TRHDE: variants seen among roughly 807,000 people sequenced by gnomAD.
TRHDE encodes the protein thyrotropin releasing hormone degrading enzyme, also known as thyrotropin-releasing hormone-degrading ectoenzyme.
A neutral mutation model predicts 125.7 loss-of-function variants in TRHDE; 72 were observed. The ratio of observed to expected loss-of-function variants is 0.57; its 90% CI spans 0.47 to 0.70. The LOEUF is 0.70. TRHDE is among the 30% of genes least tolerant of loss of function. The pLI is 0.00. For missense variants in TRHDE, 1,110 were observed against 1,327.1 expected, an observed-to-expected ratio of 0.84 and a Z score of 2.54; for synonymous variants, 509 against 509.1, an observed-to-expected ratio of 1.00 and a Z score of 0.00.
At chr12:72,165,250 A>G (rs933382707) in intron 2 of TRHDE, among the ~76,000 whole-genome samples, 2 of 152,198 alleles carry the variant, frequency 1.3e-5, no homozygotes, top group Non-Finnish European at 1.5e-5. Flanking sequence ...TCATTCTAGT[A>G]TACCATCAAA....
chr12:72,389,900 A>C (rs1872559976), intron 3 of TRHDE, among the ~76,000 whole-genome samples: 1 of 152,192 alleles, frequency 6.6e-6, no homozygotes. Flanking sequence ...TACTGCATTA[A>C]TCTAAGAAAT....
chr12:72,557,959 TCA>T (rs111497878), intron 7 of TRHDE, among the ~76,000 whole-genome samples: 14,229 of 148,594 alleles, frequency 0.096, 2,240 homozygotes, highest in African/African-American at 0.33. Context: ...GAAAGACAAA[TCA>T]CACACACACA....
chr12:72,391,716 C>T (rs937710826), intron 3 of TRHDE, among the ~76,000 whole-genome samples: 2 of 151,858 alleles, frequency 1.3e-5, no homozygotes, highest in East Asian at 1.9e-4. Context: ...TGAGATATAC[C>T]GTGTCAATTT....
At chr12:72,259,031 A>C (rs1441515310) in intron 2 of TRHDE, among the ~76,000 whole-genome samples, 2 of 152,174 alleles carry the variant, frequency 1.3e-5, no homozygotes, top group East Asian at 1.9e-4. Flanking sequence ...CTTTGTAATT[A>C]AACATTTTGT....
At chr12:72,623,258 TTG>T (rs1310468575) in intron 15 of TRHDE, among the ~76,000 whole-genome samples, 1 of 152,034 alleles carries the variant, frequency 6.6e-6, no homozygotes, top group Non-Finnish European at 1.5e-5. Flanking sequence ...CCTTTTGTTT[TTG>T]TGTGTTTTGT....
intron 3 of TRHDE, among the ~76,000 whole-genome samples, chr12:72,443,267 C>G (rs1875112130): frequency 1.3e-5 from 2 of 148,650 alleles, no homozygotes; most frequent in South Asian, 4.3e-4. Flanking sequence ...TGCCTTGTAT[C>G]CTCATTCTTT....
intron 14 of TRHDE, 179 bp downstream of exon 14, chr12:72,621,384 C>G: frequency 3.4e-6 from 2 of 591,114 alleles, no homozygotes; most frequent in African/African-American, 1.9e-5. Flanking sequence ...ATCCTGAGAA[C>G]AAAGACGTTT....
Position 72,286,782 on chromosome 12 carries a change from A to G in TRHDE, c.1016A>G (p.His339Arg). 1 of 1,613,932 alleles carries G rather than the reference A, an allele frequency of 6.2e-7. No homozygotes were observed. The highest frequency in any genetic ancestry group is 8.5e-7 in the Non-Finnish European group (1 of 1,179,992). ...GCTACTTTCAAAATCAGCATCAAGC[A>G]TCAAGCAACCTATTTATCTTTATCT... ...YKATFKISIK[H>R]QATYLSLSNM... is the part of the protein sequence containing the mutation. Residue 339 changes from histidine (H) to arginine (R), a missense_variant, in exon 2 of 19, where the codon CAT becomes CGT. Transcript: ENST00000261180.
At chr12:72,532,896 G>A (rs548542152) in intron 6 of TRHDE, among the ~76,000 whole-genome samples, 1 of 151,390 alleles carries the variant, frequency 6.6e-6, no homozygotes, top group Admixed American at 6.6e-5. Flanking sequence ...TTGCATACAT[G>A]ATCATATGAA....
intron 2 of TRHDE, among the ~76,000 whole-genome samples, chr12:72,335,841 TA>T (rs1234501064): frequency 6.6e-6 from 1 of 152,160 alleles, no homozygotes; most frequent in East Asian, 1.9e-4. Context: ...AGAGCTGCCT[TA>T]AAAAACCCAG....
At chr12:72,107,102 T>C (rs1311146413) in intron 2 of TRHDE, among the ~76,000 whole-genome samples, 2 of 152,182 alleles carry the variant, frequency 1.3e-5, no homozygotes, top group East Asian at 3.9e-4. Flanking sequence ...TGAATAGTAA[T>C]GACATGTCTA....
rs1677988306 is a variant in TRHDE, at chr12:72,376,486, C to T, written c.1189-1509C>T. ...GTCTCTCCTGATAGTTTTTGGTTTT[C>T]TAATACTGCCAGCCCAAAATGTTGG... On this transcript the variant is annotated intron_variant, in intron 2 of 18. Transcript: ENST00000261180. Among the ~76,000 whole-genome samples, 2 of 152,116 alleles carry T rather than the reference C, an allele frequency of 1.3e-5. 1 individual carries two copies. Among genetic ancestry groups the T allele is most frequent in the Admixed American group, 1.3e-4 (2 of 15,274 alleles).
At chr12:72,303,249 T>C (rs564304790) in intron 2 of TRHDE, 1 of 152,140 alleles carries the variant, frequency 6.6e-6, no homozygotes, top group Non-Finnish European at 1.5e-5. Context: ...GGGTAAGATA[T>C]AAACATTCCC....
intron 2 of TRHDE, among the ~76,000 whole-genome samples, chr12:72,224,587 A>G (rs1356853939): frequency 6.6e-6 from 1 of 152,120 alleles, no homozygotes; most frequent in Non-Finnish European, 1.5e-5. Context: ...AGAGGTGGTA[A>G]TAAGTTCTGC....
chr12:72,456,168 CA>C lies in TRHDE; in HGVS notation c.1316-13589del, dbSNP rs1875840837. On this transcript the variant is annotated intron_variant, in intron 3 of 18. Transcript: ENST00000261180. ...ACACACACACACACACACACACACA[CA>C]CACACACAGAGACTCAGAGAGTTGG... Among the ~76,000 whole-genome samples the C allele has an allele frequency of 1.5e-5, 2 of 131,606 alleles. 1 individual carries two copies. The highest frequency in any genetic ancestry group is 4.5e-4 in the South Asian group (2 of 4,432). The allele number at this position is 131,606 out of a possible 152,430, so 86.3% of individuals were successfully genotyped here. A position where few individuals can be genotyped will look rare whatever the true frequency, so the allele number is the denominator to read the frequency against.
intron 2 of TRHDE, among the ~76,000 whole-genome samples, chr12:72,175,950 T>G (rs1876979148): frequency 6.6e-6 from 1 of 152,168 alleles, no homozygotes. Context: ...TTTATAGGGG[T>G]TTATGCCTAT....
chr12:72,628,175 G>C (rs953220131), intron 15 of TRHDE, among the ~76,000 whole-genome samples: 17 of 151,786 alleles, frequency 1.1e-4, no homozygotes, highest in African/African-American at 3.4e-4. Context: ...AATCTAATGG[G>C]GTAGACCAAT....
chr12:72,628,703 A>G (rs1873360128), intron 15 of TRHDE, among the ~76,000 whole-genome samples: 1 of 151,914 alleles, frequency 6.6e-6, no homozygotes, highest in Non-Finnish European at 1.5e-5. Flanking sequence ...TAGTGAGTGT[A>G]CTTGCTATCT....
At chr12:72,231,069 GAATT>G (rs1476616911) in intron 2 of TRHDE, among the ~76,000 whole-genome samples, 1 of 152,038 alleles carries the variant, frequency 6.6e-6, no homozygotes, top group South Asian at 2.1e-4. Flanking sequence ...TATGTCATCA[GAATT>G]AATTCACATA....
Sources: gnomAD v4.1 joint callset for allele counts (sites outside exome capture counted in the v4.1 genomes callset) on GRCh38, gnomAD v4.1.1 for gene constraint, MANE v1.5 for transcripts, NCBI Gene and HGNC (gene_info 2026-07-23, HGNC 2026-07-21) for gene names.